Variants in COP1 observed in about 807,000 individuals in gnomAD.
The protein encoded by COP1 is E3 ubiquitin-protein ligase COP1.
A neutral mutation model predicts 101.3 loss-of-function variants in COP1; 24 were observed. That is an observed-to-expected ratio of 0.24 (90% CI 0.17 to 0.33). The LOEUF is 0.33. Ranked by LOEUF, COP1 falls within the 10% of genes least tolerant of loss-of-function variation. COP1 has a pLI of 1.00. For missense variants in COP1, 663 were observed against 906.2 expected (o/e 0.73, Z 3.45); for synonymous variants, 347 against 341.9 (o/e 1.01, Z -0.17).
chr1:175,983,029 T>G (rs1476503648), intron 18 of COP1, among the ~76,000 whole-genome samples: 1 of 152,184 alleles, frequency 6.6e-6, no homozygotes, highest in Non-Finnish European at 1.5e-5. Flanking sequence ...GAATAAGATT[T>G]TAAATGTTCC....
chr1:175,980,478 G>A (rs1655576854), intron 18 of COP1, among the ~76,000 whole-genome samples: 1 of 152,102 alleles, frequency 6.6e-6, no homozygotes, highest in South Asian at 2.1e-4. Flanking sequence ...AAACAAAGGT[G>A]CACAGTTATA....
intron 1 of COP1, among the ~76,000 whole-genome samples, chr1:176,187,198 C>G (rs570277663): frequency 1.3e-5 from 2 of 152,122 alleles, no homozygotes; most frequent in South Asian, 4.2e-4. Flanking sequence ...GATCATGACT[C>G]ACTGCAACTT....
At chr1:175,956,462 T>A (rs1216159845) in intron 18 of COP1, among the ~76,000 whole-genome samples, 1 of 152,124 alleles carries the variant, frequency 6.6e-6, no homozygotes, top group East Asian at 1.9e-4. Context: ...TGGCAACTAT[T>A]TTTTAGGATG....
intron 9 of COP1, among the ~76,000 whole-genome samples, chr1:176,090,408 T>A (rs1034544579): frequency 2.6e-5 from 4 of 152,086 alleles, no homozygotes; most frequent in Non-Finnish European, 1.5e-5. Context: ...TTTAAAAAAG[T>A]TTATTTGTCT....
Position 176,205,339 on chromosome 1 carries a change from A to C in COP1, c.407+1233T>G, listed in dbSNP as rs140089338. 2.6e-3 allele frequency among the ~76,000 whole-genome samples: 399 copies of C among 152,354 alleles called. 3 individuals carry two copies. Among genetic ancestry groups the C allele is most frequent in the African/African-American group, 9.2e-3 (381 of 41,578 alleles). ...CAATGAAAAACAGATTAATTCTGAT[A>C]AAGAATAACGTACAAAAAAGCAGAA... On this transcript the variant is annotated intron_variant, in intron 1 of 19. Transcript: ENST00000367669.
At chr1:176,194,091 TAA>T (rs1699392656) in intron 1 of COP1, among the ~76,000 whole-genome samples, 1 of 152,096 alleles carries the variant, frequency 6.6e-6, no homozygotes, top group Non-Finnish European at 1.5e-5. Flanking sequence ...ACAAAAAGTT[TAA>T]AAATCAGTAT....
At chr1:175,982,410 A>C (rs763115889) in intron 18 of COP1, 15 of 456,402 alleles carry the variant, frequency 3.3e-5, no homozygotes, top group Non-Finnish European at 6.6e-5. Context: ...CCAGAGAAAG[A>C]CCAACCCCAC....
intron 11 of COP1, among the ~76,000 whole-genome samples, chr1:176,057,777 C>T (rs1310811391): frequency 1.3e-5 from 2 of 152,214 alleles, no homozygotes; most frequent in South Asian, 2.1e-4. Flanking sequence ...AAGTGAGGAG[C>T]GTCTCTGCCT....
At position 176,207,221 on chromosome 1, in the gene COP1, G is replaced by A. The variant is rs923829525; in HGVS notation, c.-243C>T. On this transcript the variant is annotated 5_prime_UTR_variant, in exon 1 of 20. Transcript: ENST00000367669. ...CACTACCGCTGTCGAGGCCGCCGCC[G>A]CCACCGCGGTCCCTGTAGCAGCCAA... The A allele has an allele frequency of 1.5e-5, 6 of 401,330 alleles. No homozygotes were observed. Among genetic ancestry groups the A allele is most frequent in the Non-Finnish European group, 2.6e-5 (6 of 228,612 alleles). The allele number at this position is 401,330 out of a possible 1,614,324, so 24.9% of individuals were successfully genotyped here.
chr1:176,145,078 C>G (rs1691354292), intron 6 of COP1, among the ~76,000 whole-genome samples: 1 of 151,696 alleles, frequency 6.6e-6, no homozygotes, highest in Non-Finnish European at 1.5e-5. Flanking sequence ...AGAATGCAAC[C>G]CAATTAGAGG....
At chr1:176,079,754 A>T (rs1371786092) in intron 11 of COP1, among the ~76,000 whole-genome samples, 1 of 152,196 alleles carries the variant, frequency 6.6e-6, no homozygotes, top group Non-Finnish European at 1.5e-5. Context: ...GGATACATAA[A>T]ACTCGTACAG....
chr1:176,200,247 T>C (rs1175731523), intron 1 of COP1, among the ~76,000 whole-genome samples: 1 of 152,236 alleles, frequency 6.6e-6, no homozygotes, highest in Admixed American at 6.5e-5. Flanking sequence ...CTTATTATTA[T>C]GAGTATTTGT....
At chr1:176,089,299 T>TAACAACAACAACAACAAC (rs143549335) in intron 9 of COP1, among the ~76,000 whole-genome samples, 12 of 150,478 alleles carry the variant, frequency 8.0e-5, no homozygotes, top group Non-Finnish European at 1.3e-4. Context: ...TCTAAAACAA[T>TAACAACAACAACAACAAC]AACAACAACA....
chr1:176,180,391 C>G (rs553907734), intron 2 of COP1, among the ~76,000 whole-genome samples: 19 of 152,096 alleles, frequency 1.2e-4, no homozygotes, highest in African/African-American at 4.6e-4. Flanking sequence ...CCATTACCAG[C>G]CTGCATACAA....
At chr1:176,141,636 T>C (rs1315734650) in intron 6 of COP1, among the ~76,000 whole-genome samples, 1 of 152,156 alleles carries the variant, frequency 6.6e-6, no homozygotes, top group Admixed American at 6.5e-5. Context: ...CATCCCATAC[T>C]ATCACTCCAC....
At chr1:176,177,701 A>G (rs1697161546) in intron 2 of COP1, among the ~76,000 whole-genome samples, 1 of 152,196 alleles carries the variant, frequency 6.6e-6, no homozygotes, top group Non-Finnish European at 1.5e-5. Context: ...CCAAATTACT[A>G]TAAATTTACT....
At chr1:175,991,407 C>T (rs565347982) in intron 15 of COP1, among the ~76,000 whole-genome samples, 1 of 152,128 alleles carries the variant, frequency 6.6e-6, no homozygotes, top group East Asian at 1.9e-4. Context: ...CACACCCATA[C>T]AGGGGACTTA....
chr1:176,118,529 A>C (rs1019226039), intron 8 of COP1, among the ~76,000 whole-genome samples: 5 of 152,158 alleles, frequency 3.3e-5, no homozygotes, highest in African/African-American at 1.2e-4. Context: ...TTGGGAGGCC[A>C]AGGTGGGAGG....
chr1:175,965,817 C>T (rs987761490), intron 18 of COP1, among the ~76,000 whole-genome samples: 1 of 151,990 alleles, frequency 6.6e-6, no homozygotes, highest in African/African-American at 2.4e-5. Context: ...CTCCTGACCT[C>T]GTGACCCACC....
Sources: gnomAD v4.1 joint callset for allele counts (sites outside exome capture counted in the v4.1 genomes callset) on GRCh38, gnomAD v4.1.1 for gene constraint, MANE v1.5 for transcripts, NCBI Gene and HGNC (gene_info 2026-07-23, HGNC 2026-07-21) for gene names.